The following LRSAM1 variants were observed in gnomAD, a reference collection of about 807,000 sequenced individuals.
The protein encoded by LRSAM1 is E3 ubiquitin-protein ligase LRSAM1.
In LRSAM1, 96 loss-of-function variants were observed where a neutral mutation model predicts 118.1. That is an observed-to-expected ratio of 0.81 (90% confidence interval 0.69 to 0.96). The LOEUF is 0.96. Among genes scored for constraint, LRSAM1 ranks in the 40% least tolerant of loss-of-function variants. LRSAM1 has a pLI of 0.00. For synonymous variants in LRSAM1, 322 were observed against 364.2 expected (o/e 0.88, Z 1.32); for missense variants, 804 against 915.5 (o/e 0.88, Z 1.57).
intron 3 of LRSAM1, among the ~76,000 whole-genome samples, 178 bp downstream of exon 3, chr9:127,454,777 T>G (rs2131989211): frequency 6.6e-6 from 1 of 152,282 alleles, no homozygotes; most frequent in South Asian, 2.1e-4. Flanking sequence ...GCTTCTCCCC[T>G]GTAGACTGAG....
intron 15 of LRSAM1, among the ~76,000 whole-genome samples, chr9:127,482,235 C>G (rs1000216841): frequency 1.3e-5 from 2 of 151,344 alleles, no homozygotes; most frequent in African/African-American, 4.9e-5. Context: ...CTCCACCTCC[C>G]AGGTTCAGGC....
rs1289068994 is a variant in LRSAM1 at position 127,466,511 on chromosome 9, T to TATATACA, written c.529-1229_529-1228insATATACA. ...ATATATATATATATATATATTTTTT[T>TATATACA]TTTTTTTTTTTTTTTTTTTCCACTA... On this transcript the variant is annotated intron_variant, in intron 9 of 25. Transcript: ENST00000300417. Among the ~76,000 whole-genome samples, 65 of 80,660 alleles carry TATATACA rather than the reference T, an allele frequency of 8.1e-4. 2 individuals carry two copies. The highest frequency in any genetic ancestry group is 4.1e-3 in the African/African-American group (64 of 15,784). The allele number at this position is 80,660 out of a possible 152,430, so 52.9% of individuals were successfully genotyped here.
In LRSAM1 at chr9:127,460,150, C is replaced by T. The variant is rs999517285; in HGVS notation, c.322-1023C>T. Among the ~76,000 whole-genome samples, 6 of 152,130 alleles carry T rather than the reference C, an allele frequency of 3.9e-5. No individual in the cohort carries two copies. The East Asian group carries it at 1.2e-3, about 29-fold the overall frequency. On this transcript the variant is annotated intron_variant, in intron 7 of 25. Transcript: ENST00000300417. The stretch of plus-strand genomic sequence containing the variant: ...AAGTAGCTGGAATTACAGGCGCCCA[C>T]CACTATGCCTGGCTAATTTTTTATA...
At chr9:127,460,847 C>CTTTTTTTTTTTT (rs58140930) in intron 7 of LRSAM1, among the ~76,000 whole-genome samples, 3 of 77,416 alleles carry the variant, frequency 3.9e-5, no homozygotes, top group Non-Finnish European at 4.8e-5. Context: ...CTGTTTCTTT[C>CTTTTTTTTTTTT]TTTTTTTTTT....
chr9:127,453,192 G>A (rs1347582605), intron 2 of LRSAM1, among the ~76,000 whole-genome samples: 2 of 152,032 alleles, frequency 1.3e-5, no homozygotes, highest in Non-Finnish European at 2.9e-5. Flanking sequence ...AGCAATTCTC[G>A]TTCCTCAGCC....
chr9:127,471,366 G>A (rs1835159469), intron 10 of LRSAM1, among the ~76,000 whole-genome samples: 1 of 151,268 alleles, frequency 6.6e-6, no homozygotes, highest in South Asian at 2.1e-4. Context: ...AGCTGCTCGG[G>A]AGTCTTAGGT....
At chr9:127,477,476 G>A (rs1409383061) in intron 11 of LRSAM1, among the ~76,000 whole-genome samples, 1 of 152,208 alleles carries the variant, frequency 6.6e-6, no homozygotes, top group Non-Finnish European at 1.5e-5. Flanking sequence ...TGTGCCAGGC[G>A]CAGTGGCTCA....
In LRSAM1 at chr9:127,493,527, C is replaced by T. The variant is rs117236749; in HGVS notation, c.1599+630C>T. On this transcript the variant is annotated intron_variant, in intron 21 of 25. Transcript: ENST00000300417. ...TATTCCTTGACGTCCTTTCTCAAGGCTGTCCGTGGCCCCTATTGTTGAGTA... is the reference window on the plus strand; with the variant it reads ...TATTCCTTGACGTCCTTTCTCAAGGTTGTCCGTGGCCCCTATTGTTGAGTA... Among the ~76,000 whole-genome samples, 332 of 152,314 alleles carry T rather than the reference C, an allele frequency of 2.2e-3. 3 individuals carry two copies. The East Asian group carries it at 0.042, about 19-fold the overall frequency.
chr9:127,483,657 CTTTAT>C (rs945400529), intron 16 of LRSAM1, among the ~76,000 whole-genome samples: 6 of 151,972 alleles, frequency 3.9e-5, no homozygotes, highest in Non-Finnish European at 7.4e-5. Context: ...ATCTTAATCA[CTTTAT>C]TTTATTTTAT....
At chr9:127,496,801 T>C (rs566686299) in intron 23 of LRSAM1, among the ~76,000 whole-genome samples, 1 of 152,278 alleles carries the variant, frequency 6.6e-6, no homozygotes, top group East Asian at 1.9e-4. Flanking sequence ...GAGGACTGGA[T>C]GGCACTGAGG....
intron 17 of LRSAM1, 34 bp downstream of exon 17, chr9:127,485,869 G>A: frequency 6.3e-7 from 1 of 1,598,696 alleles, no homozygotes; most frequent in Non-Finnish European, 8.6e-7. Context: ...AGGTGAGGGA[G>A]CTGGGGGAGC....
chr9:127,502,554 G>A (rs1465441484), intron 25 of LRSAM1, among the ~76,000 whole-genome samples: 1 of 152,014 alleles, frequency 6.6e-6, no homozygotes, highest in Non-Finnish European at 1.5e-5. Flanking sequence ...AGGTATGGTG[G>A]TGCACGCCTG....
intron 21 of LRSAM1, among the ~76,000 whole-genome samples, chr9:127,494,101 T>C (rs994661930): frequency 6.6e-6 from 1 of 152,342 alleles, no homozygotes; most frequent in East Asian, 1.9e-4. Flanking sequence ...CTGGTGCCCC[T>C]GCCCTTGTAG....
rs144095352 is a variant in LRSAM1, at chr9:127,487,682, C to T, written c.1266C>T (p.Ala422=). ...NLVQQACSSM[A]EMDERFQQIL... Reference sequence around the variant, plus strand: ...TTTGCTGTCTTTCTGGCAGCATGGCCGAAATGGATGAACGATTCCAGCAGA... The same window carrying T: ...TTTGCTGTCTTTCTGGCAGCATGGCTGAAATGGATGAACGATTCCAGCAGA... Residue 422 remains alanine (A), a synonymous_variant, in exon 18 of 26, where the codon GCC becomes GCT. Transcript: ENST00000300417. 17 of 1,613,444 alleles carry T rather than the reference C, an allele frequency of 1.1e-5. No homozygotes were observed. The highest frequency in any genetic ancestry group is 1.3e-5 in the African/African-American group (1 of 75,018).
chr9:127,488,357 G>C (rs922276492), intron 18 of LRSAM1, among the ~76,000 whole-genome samples: 3 of 152,070 alleles, frequency 2.0e-5, no homozygotes, highest in African/African-American at 7.2e-5. Flanking sequence ...TGTCTCCCAG[G>C]TTCAACTGAT....
At chr9:127,470,108 C>G (rs1393719167) in intron 10 of LRSAM1, among the ~76,000 whole-genome samples, 1 of 152,076 alleles carries the variant, frequency 6.6e-6, no homozygotes, top group African/African-American at 2.4e-5. Flanking sequence ...TCTACTCAAG[C>G]TGAACATTCA....
At chr9:127,469,744 A>G (rs909411404) in intron 10 of LRSAM1, among the ~76,000 whole-genome samples, 12 of 152,212 alleles carry the variant, frequency 7.9e-5, no homozygotes, top group Non-Finnish European at 1.8e-4. Context: ...TGGGCGGATC[A>G]TGACGTCAGA....
At chr9:127,475,816 C>T (rs1175997695) in intron 11 of LRSAM1, among the ~76,000 whole-genome samples, 5 of 152,098 alleles carry the variant, frequency 3.3e-5, no homozygotes, top group African/African-American at 4.8e-5. Flanking sequence ...TCTTGGCTCA[C>T]TGCAACCTCC....
intron 10 of LRSAM1, among the ~76,000 whole-genome samples, chr9:127,468,302 GGGA>G (rs1445027399): frequency 6.6e-6 from 1 of 152,146 alleles, no homozygotes; most frequent in South Asian, 2.1e-4. Flanking sequence ...TTAGGCTGCA[GGGA>G]GGAGAAGGGA....
Sources: gnomAD v4.1 joint callset for allele counts (sites outside exome capture counted in the v4.1 genomes callset) on GRCh38, gnomAD v4.1.1 for gene constraint, MANE v1.5 for transcripts, NCBI Gene and HGNC (gene_info 2026-07-23, HGNC 2026-07-21) for gene names.